The following NCR1 variants were observed in gnomAD, a reference collection of about 807,000 sequenced individuals.
The protein encoded by NCR1 is natural cytotoxicity triggering receptor 1.
Under a neutral mutation model 32.5 loss-of-function variants are expected in NCR1, and 30 were observed. The ratio of observed to expected loss-of-function variants is 0.92; its 90% confidence interval spans 0.69 to 1.25. The LOEUF (loss-of-function observed/expected upper bound fraction) is 1.25. NCR1 is among the 50% of genes most tolerant of loss of function. NCR1 has a pLI of 0.00. For missense variants in NCR1, 369 were observed against 380.7 expected (o/e 0.97, Z 0.26); for synonymous variants, 169 against 143.4 (o/e 1.18, Z -1.28).
downstream of NCR1, chr19:54,913,257 C>T: frequency 6.3e-6 from 1 of 158,866 alleles, no homozygotes; most frequent in Non-Finnish European, 1.4e-5. Flanking sequence ...CGGGGTTTCT[C>T]CCTGTTGGCT....
chr19:54,898,873 A>G, the NCR1 span, among the ~76,000 whole-genome samples: 2 of 152,128 alleles, frequency 1.3e-5, no homozygotes, highest in Non-Finnish European at 2.9e-5. Context: ...CATGGAATGG[A>G]ACTGTAAGCT....
At chr19:54,936,512 TCA>T in the NCR1 span, 2 of 1,245,008 alleles carry the variant, frequency 1.6e-6, no homozygotes, top group Non-Finnish European at 2.4e-6. Context: ...AAAAGCTGTT[TCA>T]CATTTAGAAA....
chr19:54,899,986 T>C, the NCR1 span, among the ~76,000 whole-genome samples: 13 of 151,906 alleles, frequency 8.6e-5, no homozygotes, highest in Non-Finnish European at 1.8e-4. Context: ...GAGAAAGTGG[T>C]TGAGGGATAG....
chr19:54,936,475 C>T, the NCR1 span: 12 of 1,498,532 alleles, frequency 8.0e-6, no homozygotes, highest in African/African-American at 1.5e-4. Flanking sequence ...GATTAATACT[C>T]ACATTGTGTG....
chr19:54,901,375 A>AAG (rs1182771276), upstream of NCR1, among the ~76,000 whole-genome samples: 1 of 151,466 alleles, frequency 6.6e-6, no homozygotes, highest in Non-Finnish European at 1.5e-5. Context: ...AAAAAAAAAA[A>AAG]AAAAAAAAAG....
At chr19:54,900,616 G>A in the NCR1 span, among the ~76,000 whole-genome samples, 80 of 152,158 alleles carry the variant, frequency 5.3e-4, 1 homozygote, top group Non-Finnish European at 1.1e-3. Flanking sequence ...CACCTGACCT[G>A]GTGATCCGCA....
chr19:54,930,550 C>T, the NCR1 span: 8 of 1,612,690 alleles, frequency 5.0e-6, no homozygotes, highest in Non-Finnish European at 6.8e-6. Context: ...ACAGAGAATC[C>T]ACAATCCACG....
the NCR1 span, among the ~76,000 whole-genome samples, chr19:54,924,188 G>A: frequency 0.084 from 12,768 of 152,062 alleles, 897 homozygotes; most frequent in East Asian, 0.32. Flanking sequence ...GGCTGGTCTC[G>A]AACTTCTGGC....
At chr19:54,930,906 C>T in the NCR1 span, among the ~76,000 whole-genome samples, 1 of 152,054 alleles carries the variant, frequency 6.6e-6, no homozygotes, top group Non-Finnish European at 1.5e-5. Context: ...GCCTGTAGTG[C>T]CAGCTACTCA....
downstream of NCR1, among the ~76,000 whole-genome samples, chr19:54,916,520 T>C (rs1000695300): frequency 2.0e-5 from 3 of 150,996 alleles, no homozygotes; most frequent in African/African-American, 7.3e-5. Context: ...GGTTTCTCCA[T>C]GTTGGTCTCA....
downstream of NCR1, among the ~76,000 whole-genome samples, chr19:54,914,850 C>T (rs1270166309): frequency 2.0e-5 from 3 of 151,956 alleles, no homozygotes; most frequent in East Asian, 5.8e-4. Context: ...AGCGATTCTC[C>T]TTCCTCAGCC....
the NCR1 span, among the ~76,000 whole-genome samples, chr19:54,922,947 CAAAG>C: frequency 6.6e-6 from 1 of 151,168 alleles, no homozygotes; most frequent in Non-Finnish European, 1.5e-5. Flanking sequence ...CACAGAGAAA[CAAAG>C]AGAGACACAC....
At chr19:54,924,575 A>C in the NCR1 span, among the ~76,000 whole-genome samples, 1 of 152,170 alleles carries the variant, frequency 6.6e-6, no homozygotes, top group Non-Finnish European at 1.5e-5. Context: ...AACGAGCTAG[A>C]GATTGCCCTA....
At chr19:54,906,897 C>T in intron 3 of NCR1, 90 bp downstream of exon 3, 1 of 1,452,976 alleles carries the variant, frequency 6.9e-7, no homozygotes, top group Non-Finnish European at 9.4e-7. Flanking sequence ...CCCACTCAGA[C>T]ACTGCTTGTC....
upstream of NCR1, chr19:54,906,114 T>C: frequency 6.3e-7 from 1 of 1,596,346 alleles, no homozygotes; most frequent in Non-Finnish European, 8.6e-7. Flanking sequence ...ACCCACCACT[T>C]CCTGTGTATC....
chr19:54,906,140 C>T (rs1602029491), upstream of NCR1: 2 of 1,613,632 alleles, frequency 1.2e-6, no homozygotes, highest in Non-Finnish European at 1.7e-6. Flanking sequence ...CCCTGGCCCG[C>T]CCGGCTCAGT....
chr19:54,906,731 A>G lies in NCR1; in HGVS notation c.279A>G (p.Ala93=), dbSNP rs587708731. 17 of 1,614,240 alleles carry G rather than the reference A, an allele frequency of 1.1e-5. 1 individual carries two copies. In the South Asian group the frequency reaches 1.8e-4, roughly 17 times the overall value. The change falls in exon 3 of 7, where the codon GCA becomes GCG. Residue 93 remains alanine (A), a synonymous_variant. Transcript: ENST00000291890. The part of the protein sequence containing the change: ...FYIPDMNSRM[A]GQYSCIYRVG... ...TCCCGGACATGAACTCCCGCATGGC[A>G]GGGCAATACAGCTGCATCTATCGGG... is the stretch of plus-strand genomic sequence containing the variant.
chr19:54,906,118 G>A (rs2067591996), upstream of NCR1: 1 of 1,601,058 alleles, frequency 6.2e-7, no homozygotes, highest in Non-Finnish European at 8.6e-7. Flanking sequence ...ACCACTTCCT[G>A]TGTATCTATC....
the NCR1 span, among the ~76,000 whole-genome samples, chr19:54,922,987 T>TACACAC: frequency 2.0e-5 from 3 of 149,302 alleles, no homozygotes; most frequent in Admixed American, 2.0e-4. Context: ...GAGAGACACA[T>TACACAC]ACACACACAC....
Sources: gnomAD v4.1 joint callset for allele counts (sites outside exome capture counted in the v4.1 genomes callset) on GRCh38, gnomAD v4.1.1 for gene constraint, MANE v1.5 for transcripts, NCBI Gene and HGNC (gene_info 2026-07-23, HGNC 2026-07-21) for gene names.